SLC39A12: variants seen among roughly 807,000 people sequenced by gnomAD.
SLC39A12 encodes zinc transporter ZIP12.
Under a neutral mutation model 71.1 loss-of-function variants are expected in SLC39A12, and 63 were observed. That is an observed-to-expected ratio of 0.89 (90% CI 0.72 to 1.09). The LOEUF (loss-of-function observed/expected upper bound fraction) is 1.09, where lower values mean the gene tolerates loss of function less well. SLC39A12 is among the 50% of genes least tolerant of loss of function. SLC39A12 has a pLI of 0.00. For synonymous variants in SLC39A12, 351 were observed against 301.3 expected (o/e 1.16, Z -1.71); for missense variants, 892 against 812.6 (o/e 1.10, Z -1.19).
At chr10:18,004,540 T>G (rs963776602) in intron 12 of SLC39A12, 1 of 152,164 alleles carries the variant, frequency 6.6e-6, no homozygotes, top group African/African-American at 2.4e-5. Context: ...ACCCTGCCAT[T>G]TTTAAACCCC....
intron 6 of SLC39A12, among the ~76,000 whole-genome samples, chr10:17,983,161 T>G (rs1589230673): frequency 1.1e-5 from 1 of 92,494 alleles, no homozygotes; most frequent in Admixed American, 1.8e-4. Flanking sequence ...AAAGCGAGAC[T>G]CCATCTCAAA....
At chr10:18,039,847 C>T (rs1011571946) in intron 12 of SLC39A12, among the ~76,000 whole-genome samples, 3 of 152,160 alleles carry the variant, frequency 2.0e-5, no homozygotes, top group African/African-American at 7.2e-5. Context: ...ACATATAAGC[C>T]TTAATCTAGA....
Position 17,953,452 on chromosome 10 carries a change from A to C in SLC39A12, c.176A>C (p.Asn59Thr). 1 of 1,614,212 alleles carries C rather than the reference A, an allele frequency of 6.2e-7. No individual in the cohort carries two copies. Among genetic ancestry groups the C allele is most frequent in the South Asian group, 1.1e-5 (1 of 91,082 alleles). Residue 59 changes from asparagine (N) to threonine (T), a missense_variant, in exon 2 of 13, where the codon AAC (asparagine) becomes ACC (threonine). Coordinates refer to ENST00000377369, the MANE Select transcript of SLC39A12 (RefSeq NM_001145195.2). ...VLSAGDHPPH[N>T]HSRSLIKTLL... is the part of the protein sequence containing the mutation. The stretch of plus-strand genomic sequence containing the variant: ...TCTGCTGGTGACCACCCACCCCACA[A>C]CCACTCAAGAAGCCTCATCAAAACA...
chr10:18,012,865 CAA>C (rs35173291), intron 12 of SLC39A12, among the ~76,000 whole-genome samples: 42,227 of 104,118 alleles, frequency 0.41, 5,121 homozygotes, highest in Non-Finnish European at 0.43. Flanking sequence ...GACTACGTCT[CAA>C]AAAAAAAAAA....
chr10:18,020,091 T>C (rs1031329754), intron 12 of SLC39A12, among the ~76,000 whole-genome samples: 5 of 152,074 alleles, frequency 3.3e-5, no homozygotes, highest in Non-Finnish European at 7.4e-5. Flanking sequence ...TTTGTCACCT[T>C]GGCAATCAAG....
At chr10:18,005,839 G>C (rs1835999863) in intron 12 of SLC39A12, 1 of 145,666 alleles carries the variant, frequency 6.9e-6, no homozygotes, top group East Asian at 2.0e-4. Flanking sequence ...CCAGCATCCT[G>C]GCAGAAAGAC....
At chr10:18,040,109 A>T (rs950776396) in intron 12 of SLC39A12, among the ~76,000 whole-genome samples, 5 of 152,216 alleles carry the variant, frequency 3.3e-5, no homozygotes, top group African/African-American at 1.2e-4. Context: ...ATGAAATCAG[A>T]TGTTTCAGCT....
intron 12 of SLC39A12, 82 bp from the exon 13 acceptor site, chr10:18,042,623 A>T: frequency 7.2e-7 from 1 of 1,392,284 alleles, no homozygotes; most frequent in South Asian, 1.4e-5. Context: ...TCTGAATAAC[A>T]GTCGCTCATG....
At chr10:18,037,443 A>G (rs533077746) in intron 12 of SLC39A12, among the ~76,000 whole-genome samples, 6 of 152,264 alleles carry the variant, frequency 3.9e-5, no homozygotes, top group African/African-American at 1.2e-4. Flanking sequence ...AGTTCTTTGT[A>G]TGTTCACTAC....
At chr10:17,969,241 G>A (rs558694865) in intron 4 of SLC39A12, among the ~76,000 whole-genome samples, 3 of 152,276 alleles carry the variant, frequency 2.0e-5, no homozygotes, top group Non-Finnish European at 2.9e-5. Flanking sequence ...GAACAGTGCT[G>A]TGACAAAAAT....
intron 12 of SLC39A12, among the ~76,000 whole-genome samples, chr10:18,015,611 A>G (rs1450460501): frequency 1.4e-5 from 2 of 145,352 alleles, no homozygotes; most frequent in Non-Finnish European, 3.0e-5. Context: ...GTAACTCGAA[A>G]TATGCTTTAG....
intron 7 of SLC39A12, 139 bp downstream of exon 7, chr10:17,987,790 T>C (rs1455502901): frequency 3.4e-6 from 3 of 888,596 alleles, no homozygotes; most frequent in South Asian, 1.7e-5. Context: ...AAAGAAATAT[T>C]ATTTCCCCAA....
At chr10:17,955,871 C>T (rs1467966870) in intron 2 of SLC39A12, among the ~76,000 whole-genome samples, 3 of 152,076 alleles carry the variant, frequency 2.0e-5, no homozygotes, top group Admixed American at 6.5e-5. Flanking sequence ...TAATGAACAT[C>T]GTGAGAGATT....
At position 17,987,513 on chromosome 10, in the gene SLC39A12, C is replaced by T. The variant is rs1589232928; in HGVS notation, c.1131C>T (p.Leu377=). The stretch of plus-strand genomic sequence containing the variant: ...ACAGCACGGTGGCTGTCACCCTTCT[C>T]ACACTGGGCTCCATGCTGGGGACAG... ...YGYSTVAVTL[L]TLGSMLGTAL... Residue 377 remains leucine, a synonymous_variant, in exon 7 of 13, where the codon CTC becomes CTT. Coordinates refer to ENST00000377369, the MANE Select transcript of SLC39A12 (RefSeq NM_001145195.2). 1 of 1,613,982 alleles carries T rather than the reference C, an allele frequency of 6.2e-7. No homozygotes were observed. Among genetic ancestry groups the T allele is most frequent in the Non-Finnish European group, 8.5e-7 (1 of 1,179,976 alleles).
At chr10:17,986,444 T>C (rs1295834191) in intron 6 of SLC39A12, among the ~76,000 whole-genome samples, 1 of 152,198 alleles carries the variant, frequency 6.6e-6, no homozygotes, top group Non-Finnish European at 1.5e-5. Context: ...ATCAGCAGAT[T>C]CGGCATCTGG....
chr10:17,991,668 CAT>C (rs141320487), intron 8 of SLC39A12, among the ~76,000 whole-genome samples: 16,329 of 152,196 alleles, frequency 0.11, 1,206 homozygotes, highest in Non-Finnish European at 0.15. Context: ...CACAAAATCA[CAT>C]GTAATTTTCT....
intron 6 of SLC39A12, among the ~76,000 whole-genome samples, chr10:17,983,981 G>A (rs953225825): frequency 6.6e-6 from 1 of 152,284 alleles, no homozygotes; most frequent in African/African-American, 2.4e-5. Flanking sequence ...CAACCGCTAA[G>A]CACCATCTTC....
Position 17,996,811 on chromosome 10 carries a change from T to C in SLC39A12, c.1600+1089T>C, listed in dbSNP as rs184733226. 4.9e-3 allele frequency among the ~76,000 whole-genome samples: 750 copies of C among 151,734 alleles called. 5 individuals carry two copies. The highest frequency in any genetic ancestry group is 0.017 in the African/African-American group (692 of 41,390). Reference sequence around the variant, plus strand: ...AGGAGATCGAGACCATCCTGGCTAATATGGTGAAACCCCGTCTCTACTAAA... The same window carrying C: ...AGGAGATCGAGACCATCCTGGCTAACATGGTGAAACCCCGTCTCTACTAAA... On this transcript the variant is annotated intron_variant, in intron 10 of 12. Transcript: ENST00000377369.
chr10:18,036,617 C>T (rs1036711695), intron 12 of SLC39A12, among the ~76,000 whole-genome samples: 6 of 151,648 alleles, frequency 4.0e-5, no homozygotes, highest in Admixed American at 2.6e-4. Context: ...TTCTGCGTCG[C>T]TCACGCTGGG....
Sources: gnomAD v4.1 joint callset for allele counts (sites outside exome capture counted in the v4.1 genomes callset) on GRCh38, gnomAD v4.1.1 for gene constraint, MANE v1.5 for transcripts, NCBI Gene and HGNC (gene_info 2026-07-23, HGNC 2026-07-21) for gene names.